The following SEL1L2 variants were observed in gnomAD, a reference collection of about 807,000 sequenced individuals.
The protein encoded by SEL1L2 is protein sel-1 homolog 2.
Under a neutral mutation model 98.8 loss-of-function variants are expected in SEL1L2, and 89 were observed. The ratio of observed to expected loss-of-function variants is 0.90; its 90% CI spans 0.76 to 1.07. The LOEUF is 1.07. Ranked by LOEUF, SEL1L2 falls within the 50% of genes least tolerant of loss-of-function variation. The pLI is 0.00. For synonymous variants in SEL1L2, 262 were observed against 278.5 expected (o/e 0.94, Z 0.59); for missense variants, 788 against 812.0 (o/e 0.97, Z 0.36).
At chr20:13,871,752 T>A (rs2046207050) in intron 12 of SEL1L2, among the ~76,000 whole-genome samples, 1 of 143,416 alleles carries the variant, frequency 7.0e-6, no homozygotes, top group African/African-American at 2.5e-5. Flanking sequence ...CCTCAAGTGA[T>A]CCACCCATCT....
chr20:13,984,061 G>C (rs976777938), intron 1 of SEL1L2, among the ~76,000 whole-genome samples: 2 of 147,914 alleles, frequency 1.4e-5, no homozygotes, highest in African/African-American at 5.0e-5. Context: ...ACCCAGGCTT[G>C]AGTGCAGTGG....
intron 1 of SEL1L2, among the ~76,000 whole-genome samples, chr20:13,974,387 G>T (rs1188139785): frequency 6.6e-6 from 1 of 151,842 alleles, no homozygotes; most frequent in African/African-American, 2.4e-5. Context: ...TGTATATGGT[G>T]GTAGTGGCGG....
intron 1 of SEL1L2, among the ~76,000 whole-genome samples, chr20:13,964,040 T>C (rs1467447905): frequency 1.3e-5 from 2 of 151,648 alleles, no homozygotes; most frequent in African/African-American, 4.8e-5. Context: ...CCCAGCTAAT[T>C]TTTTTTTGTA....
intron 4 of SEL1L2, among the ~76,000 whole-genome samples, chr20:13,917,465 C>T (rs563668300): frequency 3.3e-5 from 5 of 152,288 alleles, no homozygotes; most frequent in East Asian, 1.9e-4. Flanking sequence ...CTATGTCTCA[C>T]GGTATCACTG....
intron 2 of SEL1L2, among the ~76,000 whole-genome samples, chr20:13,932,778 C>CA (rs2049210462): frequency 6.6e-6 from 1 of 151,718 alleles, no homozygotes. Flanking sequence ...TTTTTGTTTG[C>CA]TTTTTTTTCC....
chr20:13,897,775 G>T (rs1029632902), intron 5 of SEL1L2, among the ~76,000 whole-genome samples: 1 of 152,110 alleles, frequency 6.6e-6, no homozygotes, highest in African/African-American at 2.4e-5. Context: ...TGAGGCAGGA[G>T]AATCGCTTGA....
intron 3 of SEL1L2, among the ~76,000 whole-genome samples, chr20:13,919,427 G>T (rs916324500): frequency 4.6e-5 from 7 of 152,170 alleles, no homozygotes; most frequent in Non-Finnish European, 2.9e-5. Context: ...GGGATACAAG[G>T]TTCTCCGATC....
intron 10 of SEL1L2, among the ~76,000 whole-genome samples, chr20:13,880,088 G>A (rs572952515): frequency 2.1e-4 from 32 of 152,314 alleles, no homozygotes; most frequent in African/African-American, 7.2e-4. Flanking sequence ...ACCAGGAAAT[G>A]TTTCAGAAAT....
intron 2 of SEL1L2, among the ~76,000 whole-genome samples, chr20:13,947,904 G>A (rs1025259454): frequency 6.6e-6 from 1 of 152,354 alleles, no homozygotes; most frequent in African/African-American, 2.4e-5. Context: ...GCCTGGCTGT[G>A]CACAGTGACT....
At chr20:13,926,047 C>G (rs558942853) in intron 3 of SEL1L2, among the ~76,000 whole-genome samples, 92 of 152,272 alleles carry the variant, frequency 6.0e-4, no homozygotes, top group African/African-American at 1.8e-3. Context: ...GGCCGGGAGC[C>G]GTGGCTCACG....
chr20:13,981,418 A>G (rs1484350667), intron 1 of SEL1L2, among the ~76,000 whole-genome samples: 3 of 152,210 alleles, frequency 2.0e-5, no homozygotes, highest in African/African-American at 7.2e-5. Context: ...CGTATTCTGT[A>G]TTTCAAAATT....
intron 10 of SEL1L2, among the ~76,000 whole-genome samples, 158 bp from the exon 11 acceptor site, chr20:13,877,746 A>G (rs1333082782): frequency 6.6e-6 from 1 of 152,248 alleles, no homozygotes; most frequent in Non-Finnish European, 1.5e-5. Context: ...TGTTCAAGGC[A>G]CTATTCCAAC....
intron 1 of SEL1L2, among the ~76,000 whole-genome samples, chr20:13,981,760 C>A (rs2051842741): frequency 6.6e-6 from 1 of 152,214 alleles, no homozygotes; most frequent in South Asian, 2.1e-4. Flanking sequence ...AACACCTGGT[C>A]TCTCCTGCTT....
At chr20:13,960,538 A>G (rs2050731806) in intron 1 of SEL1L2, among the ~76,000 whole-genome samples, 1 of 152,218 alleles carries the variant, frequency 6.6e-6, no homozygotes, top group Non-Finnish European at 1.5e-5. Context: ...ACTTACGACA[A>G]GGGTGTTTAT....
chr20:13,964,447 A>ATTTT (rs369646828), intron 1 of SEL1L2, among the ~76,000 whole-genome samples: 1 of 111,470 alleles, frequency 9.0e-6, no homozygotes, highest in African/African-American at 3.6e-5. Context: ...CTATCTCTTC[A>ATTTT]TTTTTTTTTT....
At chr20:13,916,425 C>T (rs1049200022) in intron 4 of SEL1L2, among the ~76,000 whole-genome samples, 9 of 152,174 alleles carry the variant, frequency 5.9e-5, no homozygotes, top group Middle Eastern at 3.2e-3. Flanking sequence ...CCTGATAACA[C>T]AAGAACTTCA....
At chr20:13,908,404 G>C (rs1341771665) in intron 5 of SEL1L2, among the ~76,000 whole-genome samples, 1 of 152,100 alleles carries the variant, frequency 6.6e-6, no homozygotes, top group Non-Finnish European at 1.5e-5. Context: ...GATCATAGGC[G>C]TCAGCCACCG....
At chr20:13,884,225 G>A (rs1683370677) in intron 10 of SEL1L2, among the ~76,000 whole-genome samples, 1 of 152,052 alleles carries the variant, frequency 6.6e-6, no homozygotes, top group African/African-American at 2.4e-5. Flanking sequence ...CTTAGCCATT[G>A]GGACTATGTT....
chr20:13,966,528 C>T (rs1029466214), intron 1 of SEL1L2, among the ~76,000 whole-genome samples: 3 of 152,072 alleles, frequency 2.0e-5, no homozygotes, highest in Non-Finnish European at 4.4e-5. Flanking sequence ...CTGTGTGGGC[C>T]AGGTTGGTTA....
Sources: gnomAD v4.1 joint callset for allele counts (sites outside exome capture counted in the v4.1 genomes callset) on GRCh38, gnomAD v4.1.1 for gene constraint, MANE v1.5 for transcripts, NCBI Gene and HGNC (gene_info 2026-07-23, HGNC 2026-07-21) for gene names.